CAMTA1: variants seen among roughly 807,000 people sequenced by gnomAD.
CAMTA1 encodes the protein calmodulin-binding transcription activator 1.
In CAMTA1, 27 loss-of-function variants were observed where a neutral mutation model predicts 170.9. The observed-to-expected ratio is 0.16, with a 90% confidence interval of 0.12 to 0.22. The LOEUF (loss-of-function observed/expected upper bound fraction) is 0.22. Ranked by LOEUF, CAMTA1 falls within the 10% of genes least tolerant of loss-of-function variation. The pLI is 1.00. For missense variants in CAMTA1, 1,619 were observed against 2,217.2 expected (o/e 0.73, Z 5.42); for synonymous variants, 833 against 891.5 (o/e 0.93, Z 1.17).
chr1:7,416,608 C>G (rs2091193048), intron 5 of CAMTA1, among the ~76,000 whole-genome samples: 1 of 152,222 alleles, frequency 6.6e-6, no homozygotes, highest in Non-Finnish European at 1.5e-5. Flanking sequence ...CTTTCAGCTC[C>G]ATCAGCTCCA....
chr1:7,649,666 G>A (rs970778177), intron 7 of CAMTA1, among the ~76,000 whole-genome samples: 1 of 152,224 alleles, frequency 6.6e-6, no homozygotes, highest in Non-Finnish European at 1.5e-5. Context: ...GGCCCCCAAG[G>A]AGGACTGGAA....
chr1:6,801,297 C>T (rs1643794215), intron 1 of CAMTA1, among the ~76,000 whole-genome samples: 1 of 152,058 alleles, frequency 6.6e-6, no homozygotes, highest in African/African-American at 2.4e-5. Flanking sequence ...TCTAACTGGG[C>T]TAAATATCCT....
At chr1:7,056,553 T>C (rs879293824) in intron 3 of CAMTA1, among the ~76,000 whole-genome samples, 7 of 152,154 alleles carry the variant, frequency 4.6e-5, no homozygotes, top group African/African-American at 7.2e-5. Context: ...TGAGGATTCA[T>C]TGATGGATGA....
chr1:7,020,436 C>G (rs1457098795), intron 3 of CAMTA1, among the ~76,000 whole-genome samples: 7 of 152,282 alleles, frequency 4.6e-5, no homozygotes, highest in Non-Finnish European at 2.9e-5. Context: ...GGAGGCTATC[C>G]CCTCTAGGTT....
intron 3 of CAMTA1, among the ~76,000 whole-genome samples, chr1:6,898,395 T>G (rs1031365607): frequency 2.0e-5 from 3 of 151,926 alleles, no homozygotes; most frequent in Non-Finnish European, 4.4e-5. Context: ...CTACTAAAAA[T>G]AGAAAAAATT....
chr1:7,466,166 A>G (rs1490344031), intron 5 of CAMTA1, among the ~76,000 whole-genome samples: 1 of 152,234 alleles, frequency 6.6e-6, no homozygotes, highest in Non-Finnish European at 1.5e-5. Flanking sequence ...ATGTCTAGAC[A>G]TGCGTCTCCT....
rs773967267 is a variant in CAMTA1 at position 7,216,594 on chromosome 1, C to G, written c.303-32897C>G. ...GTTGAGTTCTCGGCTCACTGCAATCCCCGCTTCCTGGGTTCAAGCAATCCT... is the reference window on the plus strand; with the variant it reads ...GTTGAGTTCTCGGCTCACTGCAATCGCCGCTTCCTGGGTTCAAGCAATCCT... On this transcript the variant is annotated intron_variant, in intron 4 of 22. Coordinates refer to ENST00000303635, the MANE Select transcript of CAMTA1 (RefSeq NM_015215.4). This position sits in a 1 kb window ranked among gnomAD's most constrained non-coding sequence, Gnocchi z 4.0. 6.6e-6 allele frequency among the ~76,000 whole-genome samples: 1 copy of G among 152,044 alleles called. No homozygotes were observed. Among genetic ancestry groups the G allele is most frequent in the Non-Finnish European group, 1.5e-5 (1 of 68,014 alleles).
At chr1:7,752,250 C>T (rs2096902445) in intron 20 of CAMTA1, among the ~76,000 whole-genome samples, 2 of 151,996 alleles carry the variant, frequency 1.3e-5, no homozygotes, top group Admixed American at 1.3e-4. Context: ...CTATACACAC[C>T]CTCCTTTCTC....
chr1:7,040,349 G>A (rs1329678874), intron 3 of CAMTA1, among the ~76,000 whole-genome samples: 4 of 152,118 alleles, frequency 2.6e-5, no homozygotes, highest in South Asian at 2.1e-4. Flanking sequence ...CGTGTGATCC[G>A]GTGCAATCAG....
chr1:7,460,706 T>G (rs976075668), intron 5 of CAMTA1, among the ~76,000 whole-genome samples: 2 of 152,096 alleles, frequency 1.3e-5, no homozygotes, highest in African/African-American at 2.4e-5. Context: ...CCTTCCCTTC[T>G]ATGAGCTCTT....
chr1:7,253,649 G>T (rs983404031), intron 5 of CAMTA1, among the ~76,000 whole-genome samples: 1 of 152,162 alleles, frequency 6.6e-6, no homozygotes, highest in Non-Finnish European at 1.5e-5. Context: ...CCATTTTATA[G>T]ATGGAGAGAT....
intron 5 of CAMTA1, among the ~76,000 whole-genome samples, chr1:7,445,362 C>T (rs1015155041): frequency 4.6e-5 from 7 of 151,706 alleles, no homozygotes; most frequent in South Asian, 2.1e-4. Flanking sequence ...AGGGTGGAGA[C>T]GGAGCTGGTG....
At chr1:7,315,044 T>C (rs543805756) in intron 5 of CAMTA1, among the ~76,000 whole-genome samples, 2 of 152,364 alleles carry the variant, frequency 1.3e-5, no homozygotes, top group East Asian at 3.9e-4. Context: ...GAAGGGGTTT[T>C]GACTCAAGGG....
intron 3 of CAMTA1, among the ~76,000 whole-genome samples, chr1:7,060,101 G>T (rs1358597333): frequency 6.6e-6 from 1 of 152,218 alleles, no homozygotes; most frequent in Non-Finnish European, 1.5e-5. Flanking sequence ...TAATTTGCAT[G>T]ATGGGGACCT....
intron 5 of CAMTA1, among the ~76,000 whole-genome samples, chr1:7,338,545 A>T (rs1467173586): frequency 1.3e-5 from 2 of 152,186 alleles, no homozygotes; most frequent in African/African-American, 4.8e-5. Context: ...CATGTCCCTG[A>T]TGCTCTTCCA....
intron 3 of CAMTA1, among the ~76,000 whole-genome samples, chr1:6,984,217 T>TGG (rs1251436163): frequency 7.0e-6 from 1 of 143,744 alleles, no homozygotes; most frequent in Non-Finnish European, 1.5e-5. Context: ...GATGGGTGGG[T>TGG]GGAAGGCTGG....
rs139147609 is a variant in CAMTA1, at chr1:7,138,579, C to T, written c.302+47208C>T. Among the ~76,000 whole-genome samples, 42 of 152,328 alleles carry T rather than the reference C, an allele frequency of 2.8e-4. No homozygotes were observed. In the East Asian group the frequency reaches 7.3e-3, roughly 27 times the overall value. ...CCATCCCGCCTCCCACAGGCATACA[C>T]GTCTTTTGATGATGTTGTGGGCATC... On this transcript the variant is annotated intron_variant, in intron 4 of 22. Transcript: ENST00000303635.
At chr1:7,108,067 A>G (rs1643783834) in intron 4 of CAMTA1, among the ~76,000 whole-genome samples, 1 of 152,122 alleles carries the variant, frequency 6.6e-6, no homozygotes, top group African/African-American at 2.4e-5. Flanking sequence ...AGCTGCTGGC[A>G]TCTGGGGTAG....
rs1671029194 is a variant in CAMTA1 at position 7,278,301 on chromosome 1, CAA to C, written c.438+28678_438+28679del. Among the ~76,000 whole-genome samples, 5 of 152,258 alleles carry C rather than the reference CAA, an allele frequency of 3.3e-5. No homozygotes were observed. In the South Asian group the frequency reaches 1.0e-3, roughly 32 times the overall value. ...GTGATGGGTGAAACCTTTTGTTCAG[CAA>C]AAGTCATTTGTACCACATCACCATG... On this transcript the variant is annotated intron_variant, in intron 5 of 22. Coordinates refer to ENST00000303635, the MANE Select transcript of CAMTA1 (RefSeq NM_015215.4).
Sources: gnomAD v4.1 joint callset for allele counts (sites outside exome capture counted in the v4.1 genomes callset) on GRCh38, gnomAD v4.1.1 for gene constraint, Gnocchi (gnomAD v3.1) non-coding constraint, MANE v1.5 for transcripts, NCBI Gene and HGNC (gene_info 2026-07-23, HGNC 2026-07-21) for gene names.